Variants in RAD51AP2 observed in about 807,000 individuals in gnomAD.
RAD51AP2 encodes the protein RAD51 associated protein 2.
In RAD51AP2, 67 loss-of-function variants were observed where a neutral mutation model predicts 85.5. The observed-to-expected ratio is 0.78, with a 90% CI of 0.64 to 0.96. The LOEUF (loss-of-function observed/expected upper bound fraction) is 0.96, where lower values mean the gene tolerates loss of function less well. Ranked by LOEUF, RAD51AP2 falls within the 40% of genes least tolerant of loss-of-function variation. The pLI, the probability that RAD51AP2 is intolerant of heterozygous loss-of-function variation, is 0.00. For missense variants in RAD51AP2, 1,307 were observed against 1,332.4 expected (o/e 0.98, Z 0.30); for synonymous variants, 474 against 446.5 (o/e 1.06, Z -0.78).
chr2:17,536,978 T>C, the RAD51AP2 span, among the ~76,000 whole-genome samples: 1 of 152,168 alleles, frequency 6.6e-6, no homozygotes, highest in Non-Finnish European at 1.5e-5. Context: ...TATAGGGAAG[T>C]TATTTTATTT....
upstream of RAD51AP2, among the ~76,000 whole-genome samples, chr2:17,518,805 G>A (rs952880148): frequency 1.3e-5 from 2 of 152,002 alleles, no homozygotes; most frequent in African/African-American, 4.8e-5. Flanking sequence ...TTTGTGAATG[G>A]TAACAACTTT....
chr2:17,534,629 G>C, the RAD51AP2 span, among the ~76,000 whole-genome samples: 3 of 151,798 alleles, frequency 2.0e-5, no homozygotes, highest in East Asian at 1.9e-4. Flanking sequence ...TATGAAATGG[G>C]GGTAATGCTC....
rs1406914238 is a variant in RAD51AP2, at chr2:17,516,831, T to C, written c.1585A>G (p.Ile529Val). The C allele has an allele frequency of 6.5e-7, 1 of 1,545,194 alleles. No homozygotes were observed. The highest frequency in any genetic ancestry group is 2.3e-5 in the East Asian group (1 of 43,394). The change falls in exon 1 of 3, where the codon ATT (isoleucine) becomes GTT (valine). Residue 529 changes from isoleucine to valine, a missense_variant. By Grantham distance (29) the Ile-to-Val change is conservative (BLOSUM62 3). This residue lies in a region of RAD51AP2 where 635 missense variants were observed against 643.6 expected (regional missense o/e 0.99). Transcript: ENST00000399080. ...TTCAAAATGTTACAGCAGGTTAAAA[T>C]ACTATTATCTTTTTTATTTCCTGAA... ...SISGNKKDNS[I>V]LTCCNILKCK...
At chr2:17,527,138 C>G in the RAD51AP2 span, among the ~76,000 whole-genome samples, 1 of 152,030 alleles carries the variant, frequency 6.6e-6, no homozygotes, top group Non-Finnish European at 1.5e-5. Context: ...CATGCTTCAG[C>G]CTTCTATTTC....
Position 17,517,164 on chromosome 2 carries a change from T to C in RAD51AP2, c.1252A>G (p.Thr418Ala). Residue 418 changes from threonine to alanine, a missense_variant, in exon 1 of 3, where the codon ACT (threonine) becomes GCT (alanine). Thr to Ala is a moderately conservative substitution (Grantham distance 58). Around this residue, in one of 3 missense-constraint regions of RAD51AP2, gnomAD observed 635 missense variants for 643.6 expected, o/e 0.99. Coordinates refer to ENST00000399080, the MANE Select transcript of RAD51AP2 (RefSeq NM_001099218.3). Reference sequence around the variant, plus strand: ...GTTTTTTTCATATTTTCACATTTAGTCTTGCAATTATTTATAATCCAACAA... The same window carrying C: ...GTTTTTTTCATATTTTCACATTTAGCCTTGCAATTATTTATAATCCAACAA... ...GNCWIINNCK[T>A]KCENMKKTEE... is the part of the protein sequence containing the mutation. 2 of 1,609,960 alleles carry C rather than the reference T, an allele frequency of 1.2e-6. No individual in the cohort carries two copies. The highest frequency in any genetic ancestry group is 1.1e-5 in the South Asian group (1 of 89,932).
At position 17,518,059 on chromosome 2, in the gene RAD51AP2, G is replaced by T. The variant is rs371446422; in HGVS notation, c.357C>A (p.Pro119=). 6 of 1,613,646 alleles carry T rather than the reference G, an allele frequency of 3.7e-6. No individual in the cohort carries two copies. In the African/African-American group the frequency reaches 5.3e-5, roughly 14 times the overall value. Residue 119 remains proline (P), a synonymous_variant, in exon 1 of 3, where the codon CCC becomes CCA. Transcript: ENST00000399080. ...FQMSSCLQSP[P]SQSPDSDLRA... is the part of the protein sequence containing the mutation. The stretch of plus-strand genomic sequence containing the variant: ...TCAAATCAGAATCAGGACTTTGTGA[G>T]GGGGGAGACTGCAAACAGCTACTCA...
chr2:17,515,973 G>A lies in RAD51AP2; in HGVS notation c.2443C>T (p.Leu815=), dbSNP rs757367160. ...ETHTTSITQV[L]NFWNLLSEIE... is the part of the protein sequence containing the mutation. ...TCACTTAGCAAGTTCCAAAAATTTA[G>A]TACTTGAGTTATAGAAGTGGTATGG... Residue 815 remains leucine, a synonymous_variant, in exon 1 of 3, where the codon CTA becomes TTA. Coordinates refer to ENST00000399080, the MANE Select transcript of RAD51AP2 (RefSeq NM_001099218.3). 10 of 1,610,962 alleles carry A rather than the reference G, an allele frequency of 6.2e-6. No individual in the cohort carries two copies. In the South Asian group the frequency reaches 1.1e-4, roughly 18 times the overall value.
rs759608648 is a variant in RAD51AP2, at chr2:17,516,361, A to G, written c.2055T>C (p.Tyr685=). 6.2e-6 allele frequency: 10 copies of G among 1,611,744 alleles called. No individual in the cohort carries two copies. In the South Asian group the frequency reaches 7.8e-5, roughly 12 times the overall value. ...AGTCCATTAAAAGGGGAATTTTTTC[A>G]TATGTTTCAAAAATCGGAAAACCTG... ...QNTGFPIFET[Y]EKIPLLMDFD... Residue 685 remains tyrosine, a synonymous_variant, in exon 1 of 3, where the codon TAT becomes TAC. Coordinates refer to ENST00000399080, the MANE Select transcript of RAD51AP2 (RefSeq NM_001099218.3).
At chr2:17,527,230 C>T in the RAD51AP2 span, among the ~76,000 whole-genome samples, 1 of 151,830 alleles carries the variant, frequency 6.6e-6, no homozygotes, top group African/African-American at 2.4e-5. Flanking sequence ...TCTGTGTTTC[C>T]TATTTTTAGA....
In RAD51AP2 at chr2:17,515,286, G is replaced by T; in HGVS notation, c.3130C>A (p.His1044Asn). 1 of 1,613,710 alleles carries T rather than the reference G, an allele frequency of 6.2e-7. No homozygotes were observed. The highest frequency in any genetic ancestry group is 8.5e-7 in the Non-Finnish European group (1 of 1,179,810). ...GTTTTCCATTTAAATAAACTTTGGT[G>T]ACTTTTGCCCATATTAGGACCTGCT... is the stretch of plus-strand genomic sequence containing the variant. ...TIAGPNMGKS[H>N]QSLFKWKTVP... The change falls in exon 1 of 3, where the codon CAC becomes AAC. Residue 1044 changes from histidine to asparagine, a missense_variant. His to Asn is a moderately conservative substitution (Grantham distance 68). This residue lies in a region of RAD51AP2 where 668 missense variants were observed against 671.0 expected (regional missense o/e 1.00). Transcript: ENST00000399080.
intron 2 of RAD51AP2, 81 bp from the exon 3 acceptor site, chr2:17,511,036 CA>C: frequency 1.2e-6 from 1 of 858,392 alleles, no homozygotes; most frequent in Non-Finnish European, 1.7e-6. Context: ...ATGATATTAG[CA>C]ACTTTTACTG....
chr2:17,513,237 C>CTTTTT (rs11394351), intron 2 of RAD51AP2, among the ~76,000 whole-genome samples: 14 of 111,218 alleles, frequency 1.3e-4, no homozygotes, highest in African/African-American at 4.0e-4. Context: ...TTAGTGTGTG[C>CTTTTT]TTTTTTTTTT....
chr2:17,523,155 G>T (rs1339081134), upstream of RAD51AP2, among the ~76,000 whole-genome samples: 7 of 151,822 alleles, frequency 4.6e-5, no homozygotes, highest in Non-Finnish European at 8.9e-5. Flanking sequence ...TAAAGTAAAT[G>T]AAATACAGTA....
the RAD51AP2 span, among the ~76,000 whole-genome samples, chr2:17,536,186 A>G: frequency 6.6e-6 from 1 of 152,224 alleles, no homozygotes. Flanking sequence ...GAAACAAGTC[A>G]GTAAGATCTG....
At chr2:17,520,060 T>A (rs750467502), upstream of RAD51AP2, among the ~76,000 whole-genome samples, 7 of 147,460 alleles carry the variant, frequency 4.7e-5, no homozygotes, top group South Asian at 6.5e-4. Flanking sequence ...ATCACATCAT[T>A]ATTTAACAAC....
upstream of RAD51AP2, among the ~76,000 whole-genome samples, chr2:17,521,868 C>A (rs193286943): frequency 2.4e-3 from 362 of 152,032 alleles, no homozygotes; most frequent in African/African-American, 8.4e-3. Flanking sequence ...AACTTTTTCT[C>A]TTTTTTTGTT....
At chr2:17,519,881 A>C (rs897348215), upstream of RAD51AP2, among the ~76,000 whole-genome samples, 4 of 152,160 alleles carry the variant, frequency 2.6e-5, no homozygotes, top group African/African-American at 9.7e-5. Context: ...TGTATAGCTA[A>C]GGTGTATATA....
the RAD51AP2 span, among the ~76,000 whole-genome samples, chr2:17,523,563 G>A: frequency 6.6e-6 from 1 of 151,776 alleles, no homozygotes; most frequent in Non-Finnish European, 1.5e-5. Flanking sequence ...AGTGAGCCAG[G>A]CAGTTTGTCT....
Position 17,511,033 on chromosome 2 carries a change from T to G in RAD51AP2, c.3329-78A>C, listed in dbSNP as rs561218309. The G allele has an allele frequency of 2.2e-3, 1,937 of 891,110 alleles. 5 individuals carry two copies. Among genetic ancestry groups the G allele is most frequent in the Non-Finnish European group, 2.5e-3 (1,542 of 615,314 alleles). The allele number at this position is 891,110 out of a possible 1,614,324, so 55.2% of individuals were successfully genotyped here. On this transcript the variant is annotated intron_variant, in intron 2 of 2. Transcript: ENST00000399080. ...AAATCTTTACTTCTAATCATGATAT[T>G]AGCAACTTTTACTGAATATTTACTG...
Sources: allele counts gnomAD v4.1 joint callset (sites outside exome capture counted in the v4.1 genomes callset), GRCh38; gene constraint gnomAD v4.1.1; regional missense constraint gnomAD v4.1.1; transcripts MANE v1.5; gene names NCBI Gene and HGNC (gene_info 2026-07-23, HGNC 2026-07-21).